Variants in DLC1 observed in about 807,000 individuals in gnomAD.
DLC1 encodes rho GTPase-activating protein 7.
Under a neutral mutation model 140.3 loss-of-function variants are expected in DLC1, and 54 were observed. The observed-to-expected ratio is 0.38, with a 90% CI of 0.31 to 0.48. The LOEUF (loss-of-function observed/expected upper bound fraction) is 0.48, where lower values mean the gene tolerates loss of function less well. Ranked by LOEUF, DLC1 falls within the 20% of genes least tolerant of loss-of-function variation. The pLI is 0.96. For synonymous variants in DLC1, 986 were observed against 728.1 expected, an observed-to-expected ratio of 1.35 and a Z score of -5.70; for missense variants, 2,536 against 1,907.0, an observed-to-expected ratio of 1.33 and a Z score of -6.14.
chr8:13,598,496 T>G (rs1249500512), intron 1 of DLC1, among the ~76,000 whole-genome samples: 1 of 152,098 alleles, frequency 6.6e-6, no homozygotes, highest in Non-Finnish European at 1.5e-5. Context: ...AAATGATTCT[T>G]TATGTCCCTT....
chr8:13,493,877 AT>A (rs1801377962), intron 2 of DLC1, among the ~76,000 whole-genome samples: 1 of 152,170 alleles, frequency 6.6e-6, no homozygotes, highest in African/African-American at 2.4e-5. Flanking sequence ...GAAAGAGAGT[AT>A]CATTTCAGGT....
At chr8:13,443,563 G>T (rs1469830791) in intron 2 of DLC1, among the ~76,000 whole-genome samples, 1 of 150,018 alleles carries the variant, frequency 6.7e-6, no homozygotes, top group Admixed American at 6.7e-5. Flanking sequence ...AGAGGCTGAG[G>T]CAGGAGAATG....
At chr8:13,550,642 A>G (rs552774210) in intron 1 of DLC1, among the ~76,000 whole-genome samples, 19 of 152,286 alleles carry the variant, frequency 1.2e-4, no homozygotes, top group Non-Finnish European at 1.3e-4. Context: ...AAATATCATT[A>G]TGTATATTAT....
chr8:13,577,068 C>T (rs552357652), intron 1 of DLC1, among the ~76,000 whole-genome samples: 11 of 152,158 alleles, frequency 7.2e-5, no homozygotes, highest in East Asian at 5.8e-4. Context: ...GGGACGATGG[C>T]GTTAAGGTTG....
intron 2 of DLC1, among the ~76,000 whole-genome samples, chr8:13,423,879 G>T (rs1159882002): frequency 6.6e-6 from 1 of 152,054 alleles, no homozygotes; most frequent in African/African-American, 2.4e-5. Flanking sequence ...TGGACTGAAA[G>T]CTCTGATCCA....
intron 2 of DLC1, among the ~76,000 whole-genome samples, chr8:13,469,217 G>C (rs1800095288): frequency 6.6e-6 from 1 of 152,012 alleles, no homozygotes; most frequent in Non-Finnish European, 1.5e-5. Flanking sequence ...GCTCACGTTG[G>C]ATATTTTTCT....
chr8:13,196,826 G>C (rs58831938), intron 5 of DLC1, among the ~76,000 whole-genome samples: 1,979 of 152,310 alleles, frequency 0.013, 15 homozygotes, highest in South Asian at 0.037. Flanking sequence ...CAAATGAGAT[G>C]AAAAGATTTC....
At chr8:13,438,914 T>C (rs1018323395) in intron 2 of DLC1, among the ~76,000 whole-genome samples, 1 of 152,212 alleles carries the variant, frequency 6.6e-6, no homozygotes, top group African/African-American at 2.4e-5. Flanking sequence ...TATTTTAGCC[T>C]TCGTGTGCCA....
chr8:13,125,247 G>C (rs929269094), intron 5 of DLC1, among the ~76,000 whole-genome samples: 1 of 152,056 alleles, frequency 6.6e-6, no homozygotes, highest in Non-Finnish European at 1.5e-5. Context: ...AAAGTGCTGG[G>C]ATTACAGGCA....
At chr8:13,280,499 C>G (rs1207076732) in intron 5 of DLC1, among the ~76,000 whole-genome samples, 1 of 151,964 alleles carries the variant, frequency 6.6e-6, no homozygotes, top group Non-Finnish European at 1.5e-5. Flanking sequence ...AAGTAAGTCC[C>G]TAATATTTTC....
intron 5 of DLC1, among the ~76,000 whole-genome samples, chr8:13,219,146 T>G (rs1430261691): frequency 8.5e-6 from 1 of 117,402 alleles, no homozygotes; most frequent in Non-Finnish European, 1.6e-5. Flanking sequence ...GTGAATATAA[T>G]TATATAATTA....
chr8:13,090,903 C>T (rs993639610), intron 14 of DLC1, among the ~76,000 whole-genome samples: 1 of 150,942 alleles, frequency 6.6e-6, no homozygotes, highest in Non-Finnish European at 1.5e-5. Flanking sequence ...TCCCTGGGCT[C>T]AGGTGATCCT....
intron 1 of DLC1, among the ~76,000 whole-genome samples, chr8:13,525,489 C>A (rs1014358613): frequency 6.6e-5 from 10 of 152,288 alleles, no homozygotes; most frequent in East Asian, 3.9e-4. Context: ...CACATGCATG[C>A]CAACAGTTGG....
intron 5 of DLC1, chr8:13,276,563 C>G: frequency 7.9e-7 from 1 of 1,273,018 alleles, no homozygotes; most frequent in Non-Finnish European, 9.9e-7. Flanking sequence ...GGCCTCCTGG[C>G]CCGCGGCCAA....
chr8:13,390,754 G>T (rs111371512), intron 4 of DLC1, among the ~76,000 whole-genome samples: 16,306 of 152,140 alleles, frequency 0.11, 1,072 homozygotes, highest in Non-Finnish European at 0.15. Flanking sequence ...TTGGGAGGCC[G>T]AGGCGGGTGG....
chr8:13,168,914 A>C (rs1031715750), intron 5 of DLC1, among the ~76,000 whole-genome samples: 1 of 152,214 alleles, frequency 6.6e-6, no homozygotes, highest in Non-Finnish European at 1.5e-5. Flanking sequence ...TGTGGTTATG[A>C]CCGTTGGACA....
chr8:13,207,411 G>A (rs1189485505), intron 5 of DLC1, among the ~76,000 whole-genome samples: 2 of 151,902 alleles, frequency 1.3e-5, no homozygotes, highest in African/African-American at 4.8e-5. Context: ...CTACCTTCAC[G>A]GCTTTTAAAA....
intron 5 of DLC1, among the ~76,000 whole-genome samples, chr8:13,186,008 A>G (rs1320848569): frequency 6.6e-6 from 1 of 152,204 alleles, no homozygotes; most frequent in African/African-American, 2.4e-5. Flanking sequence ...GGTTTCTGCC[A>G]AGAGATCCAC....
chr8:13,178,270 C>G (rs1825856527), intron 5 of DLC1, among the ~76,000 whole-genome samples: 1 of 152,024 alleles, frequency 6.6e-6, no homozygotes, highest in South Asian at 2.1e-4. Context: ...AACTATGATA[C>G]AAGAAAAATA....
Sources: allele counts gnomAD v4.1 joint callset (sites outside exome capture counted in the v4.1 genomes callset), GRCh38; gene constraint gnomAD v4.1.1; transcripts MANE v1.5; gene names NCBI Gene and HGNC (gene_info 2026-07-23, HGNC 2026-07-21).